USP14: variants seen among roughly 807,000 people sequenced by gnomAD.
The protein encoded by USP14 is ubiquitin specific peptidase 14, also known as ubiquitin carboxyl-terminal hydrolase 14.
Under a neutral mutation model 76.5 loss-of-function variants are expected in USP14, and 38 were observed. That is an observed-to-expected ratio of 0.50 (90% CI 0.38 to 0.65). The LOEUF is 0.65. Ranked by LOEUF, USP14 falls within the 30% of genes least tolerant of loss-of-function variation. The probability of loss-of-function intolerance (pLI) is 0.00; values close to 1 mark genes in which losing one functional copy is unlikely to be tolerated. For missense variants in USP14, 467 were observed against 586.5 expected (o/e 0.80, Z 2.10); for synonymous variants, 192 against 191.7 (o/e 1.00, Z -0.01).
chr18:203,282 T>C (rs868513865), intron 12 of USP14, 92 bp downstream of exon 12: 2 of 1,182,778 alleles, frequency 1.7e-6, no homozygotes, highest in Middle Eastern at 4.0e-4. Flanking sequence ...TTAGGAATAG[T>C]TAAGCTTTCT....
intron 6 of USP14, 157 bp from the exon 7 acceptor site, chr18:196,480 C>T (rs1342699629): frequency 1.3e-5 from 8 of 637,618 alleles, no homozygotes; most frequent in East Asian, 7.4e-5. Context: ...GCCGAGATCG[C>T]GCCACTGCAC....
chr18:162,645 G>A (rs1909153689), intron 1 of USP14, among the ~76,000 whole-genome samples: 1 of 151,964 alleles, frequency 6.6e-6, no homozygotes, highest in Non-Finnish European at 1.5e-5. Flanking sequence ...TGATGTGAAT[G>A]ATTCTTCAAT....
At chr18:170,848 G>T (rs117004609) in intron 3 of USP14, among the ~76,000 whole-genome samples, 5,105 of 151,438 alleles carry the variant, frequency 0.034, 141 homozygotes, top group Non-Finnish European at 0.055. Context: ...CACACACGGG[G>T]GCCTGTCAGG....
At chr18:195,082 A>G (rs1029079208) in intron 6 of USP14, among the ~76,000 whole-genome samples, 3 of 150,524 alleles carry the variant, frequency 2.0e-5, no homozygotes, top group Non-Finnish European at 4.4e-5. Context: ...CCCACATTGC[A>G]TTTAGTTGTT....
At chr18:163,220 C>T (rs1377578288) in intron 1 of USP14, 88 bp from the exon 2 acceptor site, 40 of 1,273,330 alleles carry the variant, frequency 3.1e-5, no homozygotes, top group South Asian at 1.9e-4. Flanking sequence ...TTTTGACTCC[C>T]GATAACTGCC....
intron 5 of USP14, among the ~76,000 whole-genome samples, chr18:183,175 G>T (rs1909831611): frequency 6.6e-6 from 1 of 151,934 alleles, no homozygotes; most frequent in South Asian, 2.1e-4. Flanking sequence ...ATATTGCTTG[G>T]AGCAAGAGTC....
chr18:193,620 T>A (rs1021667928), intron 6 of USP14, among the ~76,000 whole-genome samples: 4 of 152,176 alleles, frequency 2.6e-5, no homozygotes, highest in African/African-American at 9.7e-5. Context: ...CCCTACCCAT[T>A]TATCTATGTG....
At position 158,734 on chromosome 18, in the gene USP14, C is replaced by G. The variant is rs770939713; in HGVS notation, c.16+20C>G. The G allele has an allele frequency of 5.0e-4, 751 of 1,497,428 alleles. 1 individual carries two copies. Among genetic ancestry groups the G allele is most frequent in the Middle Eastern group, 3.9e-4 (2 of 5,178 alleles). The allele number at this position is 1,497,428 out of a possible 1,614,324, so 92.8% of individuals were successfully genotyped here. A position where few individuals can be genotyped will look rare whatever the true frequency, so the allele number is the denominator to read the frequency against. On this transcript the variant is annotated intron_variant, in intron 1 of 15. Coordinates refer to ENST00000261601, the MANE Select transcript of USP14 (RefSeq NM_005151.4). ...ACTCCGGTGAGCCCTGTCCTGGCCT[C>G]GCGCGCAGCACACCGGACCGGCGCT...
At chr18:163,512 A>G in intron 2 of USP14, 59 bp downstream of exon 2, 1 of 1,537,062 alleles carries the variant, frequency 6.5e-7, no homozygotes, top group Non-Finnish European at 8.8e-7. Context: ...TTGAAAAATA[A>G]CGCCAGAAAA....
chr18:164,375 C>T (rs1909208159), intron 2 of USP14, among the ~76,000 whole-genome samples: 1 of 152,022 alleles, frequency 6.6e-6, no homozygotes, highest in Non-Finnish European at 1.5e-5. Flanking sequence ...AGCATTTTTA[C>T]CAAAGCCCTG....
chr18:180,144 C>A, intron 4 of USP14, 92 bp from the exon 5 acceptor site: 1 of 607,174 alleles, frequency 1.6e-6, no homozygotes, highest in Non-Finnish European at 2.7e-6. Flanking sequence ...GTACTTGATT[C>A]AAAATGAGAA....
At chr18:163,264 G>T (rs1909173952) in intron 1 of USP14, 44 bp from the exon 2 acceptor site, 1 of 1,535,016 alleles carries the variant, frequency 6.5e-7, no homozygotes. Flanking sequence ...TGTAAATCTT[G>T]TCTTGTTATT....
At chr18:195,581 C>T (rs1167425249) in intron 6 of USP14, among the ~76,000 whole-genome samples, 1 of 152,190 alleles carries the variant, frequency 6.6e-6, no homozygotes, top group Non-Finnish European at 1.5e-5. Flanking sequence ...CTGTGAGATT[C>T]ATGCTGCTGA....
chr18:161,620 G>C (rs1356389568), intron 1 of USP14, among the ~76,000 whole-genome samples: 1 of 151,990 alleles, frequency 6.6e-6, no homozygotes, highest in African/African-American at 2.4e-5. Context: ...CCAATGCTTT[G>C]TACCGGGCTT....
chr18:165,748 T>C (rs1018723489), intron 2 of USP14, among the ~76,000 whole-genome samples: 9 of 152,164 alleles, frequency 5.9e-5, no homozygotes, highest in Non-Finnish European at 1.3e-4. Context: ...GTAAGTGATC[T>C]TAGGGGGCAT....
chr18:176,293 G>T (rs1909626345), intron 3 of USP14, among the ~76,000 whole-genome samples: 1 of 152,098 alleles, frequency 6.6e-6, no homozygotes, highest in Middle Eastern at 3.4e-3. Flanking sequence ...TGAATGAAGT[G>T]CTGAAACCCA....
intron 7 of USP14, among the ~76,000 whole-genome samples, chr18:197,367 A>G (rs1158649710): frequency 6.6e-6 from 1 of 152,134 alleles, no homozygotes; most frequent in Non-Finnish European, 1.5e-5. Flanking sequence ...CTTGAATTTT[A>G]TATATTCACT....
chr18:197,982 TTGTG>T, intron 8 of USP14, 61 bp from the exon 9 acceptor site: 1 of 1,383,914 alleles, frequency 7.2e-7, no homozygotes, highest in East Asian at 2.5e-5. Context: ...CTAAACTGGA[TTGTG>T]TGGAAGAAAA....
intron 6 of USP14, among the ~76,000 whole-genome samples, chr18:196,299 G>A (rs574893017): frequency 2.6e-5 from 4 of 151,704 alleles, no homozygotes; most frequent in Admixed American, 2.6e-4. Context: ...AGCGGATCAT[G>A]AGGTCAGGAG....
Sources: gnomAD v4.1 joint callset for allele counts (sites outside exome capture counted in the v4.1 genomes callset) on GRCh38, gnomAD v4.1.1 for gene constraint, MANE v1.5 for transcripts, NCBI Gene and HGNC (gene_info 2026-07-23, HGNC 2026-07-21) for gene names.